SETD2: variants seen among roughly 807,000 people sequenced by gnomAD.
The protein encoded by SETD2 is histone-lysine N-methyltransferase SETD2.
A neutral mutation model predicts 242.1 loss-of-function variants in SETD2; 31 were observed. That is an observed-to-expected ratio of 0.13 (90% CI 0.10 to 0.17). SETD2 has a LOEUF of 0.17. Among genes scored for constraint, SETD2 ranks in the 10% least tolerant of loss-of-function variants. The pLI, the probability that SETD2 is intolerant of heterozygous loss-of-function variation, is 1.00. For missense variants in SETD2, 2,481 were observed against 3,046.3 expected (o/e 0.81, Z 4.37); for synonymous variants, 1,006 against 1,066.5 (o/e 0.94, Z 1.11).
Position 47,057,151 on chromosome 3 carries a change from T to C in SETD2, c.6633A>G (p.Gly2211=). 6.2e-7 allele frequency: 1 copy of C among 1,614,074 alleles called. No homozygotes were observed. Among genetic ancestry groups the C allele is most frequent in the African/African-American group, 1.3e-5 (1 of 75,038 alleles). The change falls in exon 15 of 21, where the codon GGA becomes GGG. Residue 2211 remains glycine, a synonymous_variant. Coordinates refer to ENST00000409792, the MANE Select transcript of SETD2 (RefSeq NM_014159.7). Reference sequence around the variant, plus strand: ...GGGCAGAAAGGGGTTCTGTAGAATGTCCCACCAAGGGCTGAGCATGATCAT... The same window carrying C: ...GGGCAGAAAGGGGTTCTGTAGAATGCCCCACCAAGGGCTGAGCATGATCAT... ...APYDHAQPLV[G]HSTEPLSAPP...
chr3:47,057,850 T>C (rs2040146035), intron 14 of SETD2, among the ~76,000 whole-genome samples: 1 of 152,010 alleles, frequency 6.6e-6, no homozygotes, highest in Admixed American at 6.6e-5. Flanking sequence ...CAAGAAATAA[T>C]CCAATACTCA....
intron 1 of SETD2, among the ~76,000 whole-genome samples, chr3:47,146,720 T>G (rs2043864641): frequency 6.6e-6 from 1 of 152,014 alleles, no homozygotes. Flanking sequence ...GATGACTGCT[T>G]GAAGCCAGGA....
Position 47,163,857 on chromosome 3 carries a change from G to A in SETD2, c.68C>T (p.Pro23Leu), listed in dbSNP as rs892374525. The change falls in exon 1 of 21, where the codon CCT (proline) becomes CTT (leucine). Residue 23 changes from proline (P) to leucine (L), a missense_variant. Transcript: ENST00000409792. ...GDFYDPEHPT[P>L]EEEENEAKIE... is the part of the protein sequence containing the mutation. Reference sequence around the variant, plus strand: ...GGGCCGCGGAGCTGATACTTACTCAGGGGTCGGGTGCTCCGGGTCGTAGAA... The same window carrying A: ...GGGCCGCGGAGCTGATACTTACTCAAGGGTCGGGTGCTCCGGGTCGTAGAA... 2 of 1,306,062 alleles carry A rather than the reference G, an allele frequency of 1.5e-6. No homozygotes were observed. Among genetic ancestry groups the A allele is most frequent in the Non-Finnish European group, 2.0e-6 (2 of 1,020,928 alleles). 80.9% of individuals were successfully genotyped at this position (1,306,062 alleles called of 1,614,324 possible).
Position 47,017,507 on chromosome 3 carries a change from G to A in SETD2, c.7533+131C>T, listed in dbSNP as rs933614274. ...ATCCCTCCCCAAACCTTCCCTCCCC[G>A]TTCCTGGGTCCCCAGCTCTGACATC... On this transcript the variant is annotated intron_variant, in intron 20 of 20. Transcript: ENST00000409792. This position sits in a 1 kb window ranked among gnomAD's most constrained non-coding sequence, Gnocchi z 4.8. 7 of 759,874 alleles carry A rather than the reference G, an allele frequency of 9.2e-6. No individual in the cohort carries two copies. Among genetic ancestry groups the A allele is most frequent in the Admixed American group, 5.2e-5 (2 of 38,734 alleles). 47.1% of individuals were successfully genotyped at this position (759,874 alleles called of 1,614,324 possible).
intron 5 of SETD2, among the ~76,000 whole-genome samples, chr3:47,110,997 G>T (rs1269301851): frequency 1.5e-5 from 2 of 137,022 alleles, no homozygotes; most frequent in Non-Finnish European, 3.0e-5. Context: ...TTTTACTGCA[G>T]ATACCACAAA....
At chr3:47,066,937 A>G (rs2040582789) in intron 13 of SETD2, 133 bp downstream of exon 13, 2 of 650,616 alleles carry the variant, frequency 3.1e-6, no homozygotes, top group South Asian at 4.6e-5. Flanking sequence ...CTTTTACACC[A>G]AATATTTCAT....
intron 18 of SETD2, among the ~76,000 whole-genome samples, chr3:47,027,336 C>CAAAAAAAAAAAAAAAA (rs145911577): frequency 9.6e-6 from 1 of 103,738 alleles, no homozygotes; most frequent in African/African-American, 5.3e-5. Flanking sequence ...GACTCCATCT[C>CAAAAAAAAAAAAAAAA]AAAAAAAAAA....
chr3:47,163,230 T>C (rs1237490184), intron 1 of SETD2, among the ~76,000 whole-genome samples: 1 of 152,132 alleles, frequency 6.6e-6, no homozygotes, highest in African/African-American at 2.4e-5. Flanking sequence ...AGGTGCACAA[T>C]GTGAATCCGG....
intron 1 of SETD2, among the ~76,000 whole-genome samples, chr3:47,161,646 C>T (rs1042043827): frequency 6.6e-6 from 1 of 152,142 alleles, no homozygotes; most frequent in African/African-American, 2.4e-5. Context: ...GGTTAATACA[C>T]AAGAAGAGGC....
At chr3:47,029,259 T>C (rs2038652447) in intron 18 of SETD2, among the ~76,000 whole-genome samples, 1 of 151,382 alleles carries the variant, frequency 6.6e-6, no homozygotes, top group Non-Finnish European at 1.5e-5. Flanking sequence ...GGTTTTGCCA[T>C]GTTGCTCAGT....
intron 12 of SETD2, among the ~76,000 whole-genome samples, chr3:47,070,027 G>T (rs982235632): frequency 6.6e-6 from 1 of 152,126 alleles, no homozygotes; most frequent in African/African-American, 2.4e-5. Context: ...TTGGTGTATT[G>T]AGGGTCCCAC....
rs1177627900 is a variant in SETD2, at chr3:47,163,997, G to C, written c.-73C>G. 24 of 1,235,974 alleles carry C rather than the reference G, an allele frequency of 1.9e-5. No homozygotes were observed. In the Admixed American group the frequency reaches 2.6e-4, roughly 14 times the overall value. The allele number at this position is 1,235,974 out of a possible 1,614,324, so 76.6% of individuals were successfully genotyped here. On this transcript the variant is annotated 5_prime_UTR_variant, in exon 1 of 21. Coordinates refer to ENST00000409792, the MANE Select transcript of SETD2 (RefSeq NM_014159.7). ...CGACGCGGGGGAGGGGAGGGGAGGAGGCCGCAGGTCCGACCGCGGCGGCGG... is the reference window on the plus strand; with the variant it reads ...CGACGCGGGGGAGGGGAGGGGAGGACGCCGCAGGTCCGACCGCGGCGGCGG...
In SETD2 at chr3:47,057,256, A is replaced by G. The variant is rs751448015; in HGVS notation, c.6528T>C (p.Tyr2176=). The G allele has an allele frequency of 1.9e-6, 3 of 1,614,096 alleles. No homozygotes were observed. The highest frequency in any genetic ancestry group is 1.7e-6 in the Non-Finnish European group (2 of 1,180,048). The part of the protein sequence containing the change: ...GYPPGYPMQA[Y]VDPSNPNAGK... ...CAGCATTAGGGTTGCTGGGATCCAC[A>G]TAGGCCTGCATGGGATAACCTGGTG... Residue 2176 remains tyrosine, a synonymous_variant, in exon 15 of 21, where the codon TAT becomes TAC. Coordinates refer to ENST00000409792, the MANE Select transcript of SETD2 (RefSeq NM_014159.7).
rs908234302 is a variant in SETD2 at position 47,043,534 on chromosome 3, G to A, written c.7099-834C>T. 1.4e-4 allele frequency among the ~76,000 whole-genome samples: 21 copies of A among 152,242 alleles called. No homozygotes were observed. In the East Asian group the frequency reaches 2.5e-3, roughly 18 times the overall value. ...ACTCAGTCTGTGGTATTTTGTTACC[G>A]CAGCCCTAGCAGACTAGTAATCACC... On this transcript the variant is annotated intron_variant, in intron 16 of 20. Transcript: ENST00000409792.
intron 16 of SETD2, among the ~76,000 whole-genome samples, chr3:47,043,047 A>G (rs1411813346): frequency 6.6e-6 from 1 of 151,828 alleles, no homozygotes; most frequent in African/African-American, 2.4e-5. Context: ...AAAAAAAAAA[A>G]AAAGAAAAAC....
intron 10 of SETD2, among the ~76,000 whole-genome samples, chr3:47,086,849 A>C: frequency 6.6e-6 from 1 of 151,620 alleles, no homozygotes; most frequent in Non-Finnish European, 1.5e-5. Context: ...GCCTGGGCAA[A>C]ATAGCAAGAC....
chr3:47,023,964 G>A (rs1238189346), intron 18 of SETD2, among the ~76,000 whole-genome samples: 1 of 152,080 alleles, frequency 6.6e-6, no homozygotes, highest in Non-Finnish European at 1.5e-5. Flanking sequence ...ATTTTACTTG[G>A]GATCCTTTAG....
chr3:47,022,202 C>CACACAT (rs1553674350), intron 18 of SETD2, among the ~76,000 whole-genome samples: 2 of 141,460 alleles, frequency 1.4e-5, no homozygotes, highest in Non-Finnish European at 3.2e-5. Context: ...GTCACACACA[C>CACACAT]ACACACACAC....
intron 11 of SETD2, among the ~76,000 whole-genome samples, chr3:47,085,848 A>G (rs1388615917): frequency 1.3e-5 from 2 of 152,026 alleles, no homozygotes; most frequent in African/African-American, 4.8e-5. Context: ...TAGACCCCAC[A>G]GTTCAAATTT....
Sources: allele counts gnomAD v4.1 joint callset (sites outside exome capture counted in the v4.1 genomes callset), GRCh38; gene constraint gnomAD v4.1.1; non-coding constraint Gnocchi (gnomAD v3.1); transcripts MANE v1.5; gene names NCBI Gene and HGNC (gene_info 2026-07-23, HGNC 2026-07-21).